FABP6: variants seen among roughly 807,000 people sequenced by gnomAD.
FABP6 encodes fatty acid binding protein 6.
A neutral mutation model predicts 14.9 loss-of-function variants in FABP6; 13 were observed. The observed-to-expected ratio is 0.87, with a 90% CI of 0.57 to 1.39. The LOEUF is 1.39. Ranked by LOEUF, FABP6 falls within the 40% of genes most tolerant of loss-of-function variation. The pLI is 0.00. For synonymous variants in FABP6, 75 were observed against 63.6 expected, an observed-to-expected ratio of 1.18 and a Z score of -0.85; for missense variants, 161 against 167.2, an observed-to-expected ratio of 0.96 and a Z score of 0.20.
chr5:160,213,255 C>T (rs150523400), intron 2 of FABP6, among the ~76,000 whole-genome samples: 12 of 152,312 alleles, frequency 7.9e-5, no homozygotes, highest in African/African-American at 2.4e-4. Flanking sequence ...ACTCATGTCC[C>T]GTTTGTCCCA....
At chr5:160,218,128 G>C (rs1262719074) in intron 3 of FABP6, among the ~76,000 whole-genome samples, 1 of 151,872 alleles carries the variant, frequency 6.6e-6, no homozygotes, top group Non-Finnish European at 1.5e-5. Context: ...GTTTTTTTTA[G>C]GGACAAGTTC....
chr5:160,193,415 T>C (rs1051870258), intron 1 of FABP6, among the ~76,000 whole-genome samples: 48 of 152,156 alleles, frequency 3.2e-4, no homozygotes, highest in Non-Finnish European at 6.2e-4. Flanking sequence ...GAACAAGGCT[T>C]CCACAGTGTG....
At chr5:160,210,224 A>T (rs1759858685) in intron 2 of FABP6, among the ~76,000 whole-genome samples, 1 of 152,214 alleles carries the variant, frequency 6.6e-6, no homozygotes, top group Non-Finnish European at 1.5e-5. Context: ...TTACCAGGAG[A>T]TATGGGCTCT....
chr5:160,230,168 C>A lies in FABP6; in HGVS notation c.67+544C>A, dbSNP rs1370163110. ...AAAGTGCTGGAATTACAGGCGTGAG[C>A]TGCCGCACCCAGCATAGACACTCTT... On this transcript the variant is annotated intron_variant, in intron 1 of 3. Transcript: ENST00000402432. Among the ~76,000 whole-genome samples the A allele has an allele frequency of 3.3e-5, 5 of 151,826 alleles. No individual in the cohort carries two copies. In the East Asian group the frequency reaches 7.8e-4, roughly 24 times the overall value.
chr5:160,217,336 G>T (rs906614450), intron 3 of FABP6, among the ~76,000 whole-genome samples: 1 of 152,210 alleles, frequency 6.6e-6, no homozygotes, highest in African/African-American at 2.4e-5. Flanking sequence ...ATCAGCAAAA[G>T]ATGATATTTA....
chr5:160,215,786 G>C (rs1321795151), intron 3 of FABP6, among the ~76,000 whole-genome samples: 1 of 152,088 alleles, frequency 6.6e-6, no homozygotes, highest in East Asian at 1.9e-4. Context: ...GAAGGTAAAG[G>C]TTATTTCAAA....
intron 1 of FABP6, among the ~76,000 whole-genome samples, chr5:160,193,367 A>C (rs1759438910): frequency 6.6e-6 from 1 of 152,110 alleles, no homozygotes; most frequent in Non-Finnish European, 1.5e-5. Context: ...GGGGACCCAA[A>C]GAGTGAGCAG....
intron 2 of FABP6, among the ~76,000 whole-genome samples, chr5:160,206,050 T>C (rs1759758154): frequency 6.6e-6 from 1 of 152,214 alleles, no homozygotes; most frequent in South Asian, 2.1e-4. Context: ...TTATCTCACA[T>C]ATACATATCC....
intron 1 of FABP6, chr5:160,197,216 AT>A (rs1488659303): frequency 6.6e-6 from 1 of 152,318 alleles, no homozygotes; most frequent in East Asian, 1.9e-4. Flanking sequence ...CAGGGGGTTC[AT>A]AACCTCCCAC....
chr5:160,191,653 C>G (rs1230188886), intron 1 of FABP6, among the ~76,000 whole-genome samples: 2 of 151,600 alleles, frequency 1.3e-5, no homozygotes, highest in African/African-American at 4.8e-5. Context: ...ACTATATTGC[C>G]AAGGCTGGTG....
intron 2 of FABP6, chr5:160,199,179 TA>T (rs1480084588): frequency 6.2e-7 from 1 of 1,613,836 alleles, no homozygotes; most frequent in African/African-American, 1.3e-5. Flanking sequence ...AAGCTGGAAA[TA>T]AGTCATTTGA....
At chr5:160,196,977 C>T (rs1197082574) in intron 1 of FABP6, 1 of 152,244 alleles carries the variant, frequency 6.6e-6, no homozygotes, top group Non-Finnish European at 1.5e-5. Flanking sequence ...ATTAGGCTAC[C>T]GTGACACCTT....
At position 160,232,146 on chromosome 5, in the gene FABP6, C is replaced by A; in HGVS notation, c.116C>A (p.Thr39Lys). 6.2e-7 allele frequency: 1 copy of A among 1,614,046 alleles called. No individual in the cohort carries two copies. Among genetic ancestry groups the A allele is most frequent in the Non-Finnish European group, 8.5e-7 (1 of 1,180,004 alleles). Residue 39 changes from threonine (T) to lysine (K), a missense_variant, in exon 2 of 4, where the codon ACG (threonine) becomes AAG (lysine). Transcript: ENST00000402432. The part of the protein sequence containing the change: ...IEKARNFKIV[T>K]EVQQDGQDFT... ...AAGGCCCGCAACTTCAAGATCGTCACGGAGGTGCAGCAGGATGGGCAGGAC... is the reference window on the plus strand; with the variant it reads ...AAGGCCCGCAACTTCAAGATCGTCAAGGAGGTGCAGCAGGATGGGCAGGAC...
At chr5:160,230,108 C>T (rs1180093911) in intron 1 of FABP6, among the ~76,000 whole-genome samples, 1 of 151,198 alleles carries the variant, frequency 6.6e-6, no homozygotes, top group Admixed American at 6.6e-5. Context: ...GTCTTGAACT[C>T]CTGACCTCAG....
chr5:160,193,423 G>C (rs1759441721), intron 1 of FABP6, among the ~76,000 whole-genome samples: 1 of 152,094 alleles, frequency 6.6e-6, no homozygotes. Context: ...CTTCCACAGT[G>C]TGGAAGGGGA....
intron 2 of FABP6, among the ~76,000 whole-genome samples, chr5:160,209,235 G>A (rs1759833624): frequency 6.6e-6 from 1 of 151,982 alleles, no homozygotes; most frequent in African/African-American, 2.4e-5. Flanking sequence ...AATAAATAAA[G>A]GTCTGGTGTG....
chr5:160,194,464 T>C (rs1442464104), intron 1 of FABP6, among the ~76,000 whole-genome samples: 5 of 152,066 alleles, frequency 3.3e-5, no homozygotes, highest in African/African-American at 1.2e-4. Context: ...CACGCTGTTA[T>C]CTCTCATTTG....
At chr5:160,192,263 G>A (rs1430439716) in intron 1 of FABP6, among the ~76,000 whole-genome samples, 1 of 152,144 alleles carries the variant, frequency 6.6e-6, no homozygotes, top group East Asian at 1.9e-4. Context: ...CTGGGCTCAA[G>A]CAATCCTCCT....
intron 2 of FABP6, among the ~76,000 whole-genome samples, chr5:160,212,539 G>A (rs1269910740): frequency 1.3e-5 from 2 of 151,682 alleles, no homozygotes; most frequent in South Asian, 2.1e-4. Context: ...CACGATCTCC[G>A]CTCACTGCAA....
Sources: gnomAD v4.1 joint callset for allele counts (sites outside exome capture counted in the v4.1 genomes callset) on GRCh38, gnomAD v4.1.1 for gene constraint, MANE v1.5 for transcripts, NCBI Gene and HGNC (gene_info 2026-07-23, HGNC 2026-07-21) for gene names.